NFATC2: variants seen among roughly 807,000 people sequenced by gnomAD.
The protein encoded by NFATC2 is nuclear factor of activated T-cells, cytoplasmic 2.
NFATC2 carries 22 observed loss-of-function variants against 87.3 expected under a neutral mutation model. That is an observed-to-expected ratio of 0.25 (90% CI 0.18 to 0.36). NFATC2 has a LOEUF of 0.36. Ranked by LOEUF, NFATC2 falls within the 10% of genes least tolerant of loss-of-function variation. NFATC2 has a pLI of 1.00. For synonymous variants in NFATC2, 565 were observed against 542.2 expected, an observed-to-expected ratio of 1.04 and a Z score of -0.58; for missense variants, 1,149 against 1,259.1, an observed-to-expected ratio of 0.91 and a Z score of 1.32.
In NFATC2 at chr20:51,391,526, C is replaced by T. The variant is rs906382930; in HGVS notation, c.*45-75G>A. On this transcript the variant is annotated intron_variant, in intron 10 of 10. Transcript: ENST00000371564. ...GGGCACCGAAAACATGCATCAGGTT[C>T]ACTTTCTAGAACCTCTATTGGGCTA... 3.6e-5 allele frequency: 53 copies of T among 1,478,752 alleles called. No individual in the cohort carries two copies. In the African/African-American group the frequency reaches 3.9e-4, roughly 11 times the overall value. 91.6% of individuals were successfully genotyped at this position (1,478,752 alleles called of 1,614,324 possible).
At chr20:51,526,859 C>A (rs1688041725) in intron 1 of NFATC2, among the ~76,000 whole-genome samples, 1 of 152,162 alleles carries the variant, frequency 6.6e-6, no homozygotes, top group South Asian at 2.1e-4. Flanking sequence ...TGCATTCACT[C>A]TCTCCCCTCC....
chr20:51,501,700 C>T (rs903868068), intron 3 of NFATC2, among the ~76,000 whole-genome samples: 1 of 152,178 alleles, frequency 6.6e-6, no homozygotes, highest in African/African-American at 2.4e-5. Flanking sequence ...TTTTTTACAA[C>T]CTGACAGATT....
At chr20:51,400,763 C>T (rs768952346) in intron 9 of NFATC2, among the ~76,000 whole-genome samples, 55 of 152,110 alleles carry the variant, frequency 3.6e-4, no homozygotes, top group Non-Finnish European at 6.5e-4. Context: ...ACAGACATCT[C>T]CGGGGGTGGT....
rs999577475 is a variant in NFATC2, at chr20:51,542,470, G to C, written c.30C>G (p.Pro10=). Residue 10 remains proline (P), a synonymous_variant, in exon 1 of 11, where the codon CCC becomes CCG. Coordinates refer to ENST00000371564, the MANE Select transcript of NFATC2 (RefSeq NM_012340.5). MNAPERQPQ[P]DGGDAPGHEP... is the part of the protein sequence containing the mutation. The stretch of plus-strand genomic sequence containing the variant: ...CGTGGCCTGGGGCGTCCCCGCCGTC[G>C]GGTTGGGGCTGCCGCTCGGGGGCGT... 62 of 1,564,326 alleles carry C rather than the reference G, an allele frequency of 4.0e-5. No homozygotes were observed. The highest frequency in any genetic ancestry group is 4.8e-5 in the Non-Finnish European group (56 of 1,160,494).
chr20:51,544,012 G>A (rs1184519023), upstream of NFATC2, among the ~76,000 whole-genome samples: 1 of 84,518 alleles, frequency 1.2e-5, no homozygotes, highest in Non-Finnish European at 2.3e-5. Flanking sequence ...TTTGGAGACG[G>A]AGTCTCGCTC....
At chr20:51,418,724 A>AC (rs1980421791) in intron 9 of NFATC2, among the ~76,000 whole-genome samples, 1 of 134,846 alleles carries the variant, frequency 7.4e-6, no homozygotes. Context: ...GTGCAGTGGT[A>AC]CGATTGCGTC....
chr20:51,410,103 G>A (rs1200115704), intron 9 of NFATC2, among the ~76,000 whole-genome samples: 3 of 151,946 alleles, frequency 2.0e-5, no homozygotes, highest in African/African-American at 7.3e-5. Context: ...CCACCTACCT[G>A]GCAGGCTGAG....
intron 2 of NFATC2, among the ~76,000 whole-genome samples, chr20:51,517,830 T>C (rs1006353963): frequency 4.6e-5 from 7 of 150,826 alleles, no homozygotes; most frequent in African/African-American, 1.7e-4. Context: ...GGCATGAGAA[T>C]CACTTGAACT....
intron 1 of NFATC2, among the ~76,000 whole-genome samples, chr20:51,533,609 A>C (rs2076671324): frequency 2.6e-5 from 4 of 152,250 alleles, no homozygotes; most frequent in African/African-American, 9.6e-5. Context: ...CCTGAAGGCG[A>C]TGTCTTTGCT....
At chr20:51,450,164 A>C (rs1210573873) in intron 6 of NFATC2, among the ~76,000 whole-genome samples, 1 of 152,222 alleles carries the variant, frequency 6.6e-6, no homozygotes, top group Non-Finnish European at 1.5e-5. Context: ...ATGTCAGCCC[A>C]GATAGGTGAA....
In NFATC2 at chr20:51,480,213, G is replaced by C. The variant is rs976976940; in HGVS notation, c.1333-4553C>G. On this transcript the variant is annotated intron_variant, in intron 3 of 10. Coordinates refer to ENST00000371564, the MANE Select transcript of NFATC2 (RefSeq NM_012340.5). The surrounding 1 kb of genome is among the most constrained non-coding windows in gnomAD (Gnocchi z 4.2). Reference sequence around the variant, plus strand: ...CAAGGCAGGAGAATCACTTGAACCCGGGGGTTGGAGGTGGCAGTGAGCCGA... The same window carrying C: ...CAAGGCAGGAGAATCACTTGAACCCCGGGGTTGGAGGTGGCAGTGAGCCGA... 6.6e-6 allele frequency among the ~76,000 whole-genome samples: 1 copy of C among 152,064 alleles called. No homozygotes were observed. The highest frequency in any genetic ancestry group is 1.5e-5 in the Non-Finnish European group (1 of 68,010).
chr20:51,394,930 A>G (rs2426294), intron 10 of NFATC2, among the ~76,000 whole-genome samples: 148,750 of 152,328 alleles, frequency 0.98, 72,653 homozygotes, highest in East Asian at 1. Context: ...AGCAAGTACT[A>G]AATTTCCAAG....
intron 1 of NFATC2, among the ~76,000 whole-genome samples, chr20:51,533,950 A>T (rs1205335253): frequency 3.9e-5 from 6 of 152,182 alleles, no homozygotes; most frequent in African/African-American, 7.2e-5. Flanking sequence ...TCAAATCTGG[A>T]TGGGAAGAAC....
intron 6 of NFATC2, among the ~76,000 whole-genome samples, chr20:51,449,124 C>T (rs1985456312): frequency 6.6e-6 from 1 of 152,182 alleles, no homozygotes; most frequent in Non-Finnish European, 1.5e-5. Context: ...GTCACCTTTC[C>T]TTAATGTGAG....
chr20:51,449,396 C>T (rs576890433), intron 6 of NFATC2, among the ~76,000 whole-genome samples: 17 of 152,236 alleles, frequency 1.1e-4, no homozygotes, highest in Admixed American at 9.8e-4. Context: ...GCAGAGAAGC[C>T]CACCGTGTCC....
At chr20:51,499,668 G>A (rs569660200) in intron 3 of NFATC2, among the ~76,000 whole-genome samples, 302 of 151,658 alleles carry the variant, frequency 2.0e-3, no homozygotes, top group African/African-American at 7.0e-3. Context: ...GCTTGAATCC[G>A]GAGGCAGATG....
intron 10 of NFATC2, among the ~76,000 whole-genome samples, chr20:51,395,402 G>A (rs1280741951): frequency 3.3e-5 from 5 of 149,432 alleles, no homozygotes; most frequent in African/African-American, 7.7e-5. Context: ...TGTCATTTGC[G>A]TGAAGTCAGG....
intron 3 of NFATC2, among the ~76,000 whole-genome samples, chr20:51,496,437 C>T (rs1001159278): frequency 1.3e-5 from 2 of 151,672 alleles, no homozygotes; most frequent in South Asian, 2.1e-4. Flanking sequence ...CCACCCCCCG[C>T]CCCCCACTCA....
intron 3 of NFATC2, among the ~76,000 whole-genome samples, chr20:51,508,370 C>T (rs1462181314): frequency 2.0e-5 from 3 of 152,312 alleles, no homozygotes; most frequent in Middle Eastern, 3.4e-3. Flanking sequence ...AGTCCATCCT[C>T]GACCACTGCG....
Sources: gnomAD v4.1 joint callset for allele counts (sites outside exome capture counted in the v4.1 genomes callset) on GRCh38, gnomAD v4.1.1 for gene constraint, Gnocchi (gnomAD v3.1) non-coding constraint, MANE v1.5 for transcripts, NCBI Gene and HGNC (gene_info 2026-07-23, HGNC 2026-07-21) for gene names.